The following LRFN5 variants were observed in gnomAD, a reference collection of about 807,000 sequenced individuals.
The protein encoded by LRFN5 is leucine rich repeat and fibronectin type III domain containing 5, also known as leucine-rich repeat and fibronectin type-III domain-containing protein 5.
In LRFN5, 24 loss-of-function variants were observed where a neutral mutation model predicts 45.6. The observed-to-expected ratio is 0.53, with a 90% CI of 0.38 to 0.74. The LOEUF is 0.74. Ranked by LOEUF, LRFN5 falls within the 30% of genes least tolerant of loss-of-function variation. The pLI is 0.00. For synonymous variants in LRFN5, 340 were observed against 313.8 expected (o/e 1.08, Z -0.88); for missense variants, 776 against 861.5 (o/e 0.90, Z 1.24).
intron 2 of LRFN5, among the ~76,000 whole-genome samples, chr14:41,821,944 A>G (rs1470773281): frequency 1.3e-5 from 2 of 151,752 alleles, no homozygotes; most frequent in Non-Finnish European, 2.9e-5. Context: ...TTGTTTGTGC[A>G]TGTAGAAATG....
chr14:41,653,872 A>T (rs558675775), intron 1 of LRFN5, among the ~76,000 whole-genome samples: 1 of 152,112 alleles, frequency 6.6e-6, no homozygotes, highest in Non-Finnish European at 1.5e-5. Flanking sequence ...CAGGAGTAAC[A>T]GGTTAATCAG....
At chr14:41,820,086 G>C (rs933070784) in intron 2 of LRFN5, among the ~76,000 whole-genome samples, 1 of 151,624 alleles carries the variant, frequency 6.6e-6, no homozygotes, top group South Asian at 2.1e-4. Context: ...ACTGTTGATT[G>C]TGTGTTTTGC....
chr14:41,681,705 A>G (rs1165160137), intron 1 of LRFN5, among the ~76,000 whole-genome samples: 1 of 152,094 alleles, frequency 6.6e-6, no homozygotes, highest in Non-Finnish European at 1.5e-5. Context: ...TAAAGGTACA[A>G]GACTCACTAG....
chr14:41,680,597 A>C (rs1178840304), intron 1 of LRFN5, among the ~76,000 whole-genome samples: 1 of 152,188 alleles, frequency 6.6e-6, no homozygotes, highest in Non-Finnish European at 1.5e-5. Flanking sequence ...TGCAGTGACC[A>C]AAAGCTTGGA....
chr14:41,607,726 C>A lies in LRFN5; in HGVS notation c.-1033C>A, dbSNP rs1887552046. ...GGGCTGTGGACCCAGGTGTGTGGATCGCTTTACCCAGAAGCTTGGAAAGCG... is the reference window on the plus strand; with the variant it reads ...GGGCTGTGGACCCAGGTGTGTGGATAGCTTTACCCAGAAGCTTGGAAAGCG... On this transcript the variant is annotated 5_prime_UTR_variant, in exon 1 of 6. Coordinates refer to ENST00000298119, the MANE Select transcript of LRFN5 (RefSeq NM_152447.5). 6.6e-6 allele frequency: 1 copy of A among 152,142 alleles called. No homozygotes were observed. The allele number at this position is 152,142 out of a possible 1,614,324, so 9.4% of individuals were successfully genotyped here. A position where few individuals can be genotyped will look rare whatever the true frequency, so the allele number is the denominator to read the frequency against.
chr14:41,877,109 T>C (rs1452291151), intron 2 of LRFN5, among the ~76,000 whole-genome samples: 1 of 152,232 alleles, frequency 6.6e-6, no homozygotes, highest in Non-Finnish European at 1.5e-5. Flanking sequence ...GGGAAATAGA[T>C]GTCTCTCTCT....
intron 1 of LRFN5, among the ~76,000 whole-genome samples, chr14:41,666,273 A>C (rs1032321600): frequency 1.3e-5 from 2 of 152,002 alleles, no homozygotes; most frequent in African/African-American, 2.4e-5. Flanking sequence ...GTTACAAGAC[A>C]TTAGTAATTA....
intron 1 of LRFN5, among the ~76,000 whole-genome samples, chr14:41,632,732 A>G (rs1888590246): frequency 1.3e-5 from 2 of 152,170 alleles, no homozygotes; most frequent in African/African-American, 4.8e-5. Context: ...GTAGAACAGG[A>G]AAAAAAGGCA....
At chr14:41,611,070 A>G (rs751554621) in intron 1 of LRFN5, among the ~76,000 whole-genome samples, 2 of 152,106 alleles carry the variant, frequency 1.3e-5, no homozygotes, top group African/African-American at 4.8e-5. Flanking sequence ...GCCTTTTCCC[A>G]CTAAGGACTC....
intron 1 of LRFN5, among the ~76,000 whole-genome samples, chr14:41,609,855 C>G (rs950073226): frequency 6.6e-6 from 1 of 152,142 alleles, no homozygotes; most frequent in Non-Finnish European, 1.5e-5. Flanking sequence ...TGTAGGGGCG[C>G]TGCCTGATTT....
chr14:41,650,295 A>C (rs1880048941), intron 1 of LRFN5, among the ~76,000 whole-genome samples: 1 of 135,410 alleles, frequency 7.4e-6, no homozygotes, highest in Non-Finnish European at 1.6e-5. Context: ...TGCAACACAG[A>C]TGAGAGATAG....
At chr14:41,705,770 G>A (rs1051094128) in intron 1 of LRFN5, among the ~76,000 whole-genome samples, 7 of 152,020 alleles carry the variant, frequency 4.6e-5, no homozygotes, top group African/African-American at 9.7e-5. Context: ...TATAGTAAAC[G>A]ATCTTTATAT....
intron 1 of LRFN5, among the ~76,000 whole-genome samples, chr14:41,671,918 A>G (rs974444192): frequency 5.9e-5 from 9 of 152,150 alleles, no homozygotes; most frequent in Non-Finnish European, 1.0e-4. Context: ...GCGCCCAGCC[A>G]TGAGATCAAA....
At chr14:41,636,017 G>T (rs1879289711) in intron 1 of LRFN5, among the ~76,000 whole-genome samples, 2 of 152,064 alleles carry the variant, frequency 1.3e-5, no homozygotes. Context: ...CTGACTGGGT[G>T]GACTCCATGT....
At chr14:41,853,914 T>G (rs1889362320) in intron 2 of LRFN5, among the ~76,000 whole-genome samples, 1 of 152,132 alleles carries the variant, frequency 6.6e-6, no homozygotes, top group African/African-American at 2.4e-5. Flanking sequence ...TGGTTTCTTA[T>G]TCTAAACCAA....
intron 1 of LRFN5, among the ~76,000 whole-genome samples, chr14:41,745,522 A>G (rs1884885012): frequency 6.6e-6 from 1 of 152,070 alleles, no homozygotes; most frequent in Non-Finnish European, 1.5e-5. Flanking sequence ...AGGGAAATAA[A>G]TAGTAAAGAT....
At chr14:41,799,995 T>C (rs1887269645) in intron 2 of LRFN5, among the ~76,000 whole-genome samples, 1 of 151,752 alleles carries the variant, frequency 6.6e-6, no homozygotes, top group Admixed American at 6.6e-5. Flanking sequence ...GAAGGAAAAA[T>C]TTATCACTGA....
chr14:41,748,900 TTA>T (rs979598240), intron 1 of LRFN5, among the ~76,000 whole-genome samples: 1 of 150,330 alleles, frequency 6.7e-6, no homozygotes. Flanking sequence ...ACAGGATATT[TTA>T]TATATATATA....
chr14:41,710,696 T>C (rs1484796377), intron 1 of LRFN5, among the ~76,000 whole-genome samples: 1 of 152,150 alleles, frequency 6.6e-6, no homozygotes, highest in Non-Finnish European at 1.5e-5. Context: ...TGTATACACA[T>C]GCCAAGCTGG....
Sources: allele counts gnomAD v4.1 joint callset (sites outside exome capture counted in the v4.1 genomes callset), GRCh38; gene constraint gnomAD v4.1.1; transcripts MANE v1.5; gene names NCBI Gene and HGNC (gene_info 2026-07-23, HGNC 2026-07-21).